KLHL40: variants seen among roughly 807,000 people sequenced by gnomAD.
KLHL40 encodes the protein kelch-like protein 40.
Under a neutral mutation model 49.7 loss-of-function variants are expected in KLHL40, and 44 were observed. The observed-to-expected ratio is 0.89, with a 90% CI of 0.70 to 1.14. The LOEUF is 1.14. KLHL40 is among the 50% of genes most tolerant of loss of function. The probability of loss-of-function intolerance (pLI) is 0.00; values close to 1 mark genes in which losing one functional copy is unlikely to be tolerated. For synonymous variants in KLHL40, 409 were observed against 365.2 expected (o/e 1.12, Z -1.37); for missense variants, 892 against 850.3 (o/e 1.05, Z -0.61).
At position 42,688,107 on chromosome 3, in the gene KLHL40, G is replaced by T. The variant is rs200499418; in HGVS notation, c.1153-35G>T. 3 of 1,612,978 alleles carry T rather than the reference G, an allele frequency of 1.9e-6. No individual in the cohort carries two copies. Among genetic ancestry groups the T allele is most frequent in the Non-Finnish European group, 2.5e-6 (3 of 1,179,620 alleles). ...GGGGCTGGGCTGAGGCTGGGGGAGT[G>T]GGGGGCGGTAGCTGACTGGACACCT... On this transcript the variant is annotated intron_variant, in intron 1 of 5. Coordinates refer to ENST00000287777, the MANE Select transcript of KLHL40 (RefSeq NM_152393.4). This position sits in a 1 kb window ranked among gnomAD's most constrained non-coding sequence, Gnocchi z 4.2.
At position 42,686,134 on chromosome 3, in the gene KLHL40, C is replaced by G. The variant is rs1403835359; in HGVS notation, c.516C>G (p.Leu172=). ...CGCGCGACGCTGACTTCCTCGGACT[C>G]TCGGCCGACGAGCTCATCGCCATCA... ...LVARDADFLG[L]SADELIAIIS... is the part of the protein sequence containing the mutation. Residue 172 remains leucine (L), a synonymous_variant, in exon 1 of 6, where the codon CTC becomes CTG. Coordinates refer to ENST00000287777, the MANE Select transcript of KLHL40 (RefSeq NM_152393.4). The G allele has an allele frequency of 6.3e-7, 1 of 1,598,180 alleles. No homozygotes were observed. Among genetic ancestry groups the G allele is most frequent in the African/African-American group, 1.3e-5 (1 of 74,898 alleles).
At position 42,691,941 on chromosome 3, in the gene KLHL40, G is replaced by T. The variant is rs754540654; in HGVS notation, c.1814G>T (p.Gly605Val). ...GVLREIAYAA[G>V]ATFLPVRLNV... ...CTGCGGGAGATCGCCTATGCAGCAG[G>T]TGCCACCTTCCTACCAGTGCGGCTC... Residue 605 changes from glycine (G) to valine (V), a missense_variant, in exon 6 of 6, where the codon GGT (glycine) becomes GTT (valine). Physicochemically the swap from Gly to Val is moderately radical, Grantham distance 109. Coordinates refer to ENST00000287777, the MANE Select transcript of KLHL40 (RefSeq NM_152393.4). 1 of 1,613,912 alleles carries T rather than the reference G, an allele frequency of 6.2e-7. No homozygotes were observed. The highest frequency in any genetic ancestry group is 8.5e-7 in the Non-Finnish European group (1 of 1,179,782).
intron 1 of KLHL40, 85 bp downstream of exon 1, chr3:42,686,855 C>G: frequency 1.7e-6 from 2 of 1,204,672 alleles, no homozygotes; most frequent in Non-Finnish European, 2.3e-6. Flanking sequence ...GGGCTTGTGT[C>G]TACACAAGTG....
Position 42,688,265 on chromosome 3 carries a change from G to A in KLHL40, c.1276G>A (p.Glu426Lys), listed in dbSNP as rs760403231. Residue 426 changes from glutamate to lysine, a missense_variant, in exon 2 of 6, where the codon GAG becomes AAG. Transcript: ENST00000287777. This position sits in a 1 kb window ranked among gnomAD's most constrained non-coding sequence, Gnocchi z 4.2. ...CGGTGGCAGAGAGATCAAGGACGGC[G>A]AGCGCTGCCTGGACTCGGTCATGTG... Reference protein sequence around the residue: ...VVGGREIKDGERCLDSVMCYD... With the variant: ...VVGGREIKDGKRCLDSVMCYD... The A allele has an allele frequency of 3.1e-6, 5 of 1,613,868 alleles. No individual in the cohort carries two copies. The highest frequency in any genetic ancestry group is 2.2e-5 in the South Asian group (2 of 91,064).
At chr3:42,691,546 C>T (rs1184385231) in intron 5 of KLHL40, among the ~76,000 whole-genome samples, 1 of 152,074 alleles carries the variant, frequency 6.6e-6, no homozygotes, top group Non-Finnish European at 1.5e-5. Flanking sequence ...AGACGTGAGA[C>T]TTAGTAGAAA....
At chr3:42,690,043 T>A (rs1264346931) in intron 4 of KLHL40, among the ~76,000 whole-genome samples, 1 of 151,994 alleles carries the variant, frequency 6.6e-6, no homozygotes, top group Non-Finnish European at 1.5e-5. Context: ...TCATTGGGAT[T>A]GGGTAGGGAA....
Position 42,688,126 on chromosome 3 carries a change from G to A in KLHL40, c.1153-16G>A. The A allele has an allele frequency of 6.2e-7, 1 of 1,613,720 alleles. No individual in the cohort carries two copies. Among genetic ancestry groups the A allele is most frequent in the Non-Finnish European group, 8.5e-7 (1 of 1,179,902 alleles). Reference sequence around the variant, plus strand: ...GGGAGTGGGGGGCGGTAGCTGACTGGACACCTGGCCTGCAGTTTGACCATC... The same window carrying A: ...GGGAGTGGGGGGCGGTAGCTGACTGAACACCTGGCCTGCAGTTTGACCATC... On this transcript the variant is annotated splice_polypyrimidine_tract_variant and intron_variant, in intron 1 of 5. Transcript: ENST00000287777. This position sits in a 1 kb window ranked among gnomAD's most constrained non-coding sequence, Gnocchi z 4.2.
At chr3:42,690,159 A>G (rs1431979228) in intron 4 of KLHL40, among the ~76,000 whole-genome samples, 4 of 152,198 alleles carry the variant, frequency 2.6e-5, no homozygotes, top group Admixed American at 2.6e-4. Context: ...TCTGGGGGTC[A>G]GTAGCACACG....
In KLHL40 at chr3:42,689,071, C is replaced by G. The variant is rs779019306; in HGVS notation, c.1607+17C>G. 2.5e-6 allele frequency: 4 copies of G among 1,596,160 alleles called. No homozygotes were observed. Among genetic ancestry groups the G allele is most frequent in the Non-Finnish European group, 8.6e-7 (1 of 1,167,044 alleles). ...AGACAACAAGTATGAAAGCTTGTCC[C>G]TTCCGCCAAGGACAACTGCATGGCT... On this transcript the variant is annotated intron_variant, in intron 4 of 5. Transcript: ENST00000287777.
At chr3:42,691,714 T>TG (rs1232574815) in intron 5 of KLHL40, among the ~76,000 whole-genome samples, 168 bp from the exon 6 acceptor site, 4 of 151,462 alleles carry the variant, frequency 2.6e-5, no homozygotes, top group Admixed American at 6.6e-5. Flanking sequence ...GGGTGTTCCT[T>TG]GGGGTGGGTC....
rs1436188767 is a variant in KLHL40 at position 42,689,132 on chromosome 3, C to A, written c.1607+78C>A. 2.3e-6 allele frequency: 3 copies of A among 1,299,008 alleles called. No homozygotes were observed. The African/African-American group carries it at 4.4e-5, about 19-fold the overall frequency. 80.5% of individuals were successfully genotyped at this position (1,299,008 alleles called of 1,614,324 possible). A position where few individuals can be genotyped will look rare whatever the true frequency, so the allele number is the denominator to read the frequency against. Reference sequence around the variant, plus strand: ...GTCAGCCCCAGCAGGAGCTGCAGTCCCTGTCTTGGGTCTCCAGTGTTGACT... The same window carrying A: ...GTCAGCCCCAGCAGGAGCTGCAGTCACTGTCTTGGGTCTCCAGTGTTGACT... On this transcript the variant is annotated intron_variant, in intron 4 of 5. Transcript: ENST00000287777.
Position 42,686,153 on chromosome 3 carries a change from G to C in KLHL40, c.535G>C (p.Ala179Pro), listed in dbSNP as rs1392116876. Residue 179 changes from alanine to proline, a missense_variant, in exon 1 of 6, where the codon GCC becomes CCC. By Grantham distance (27) the Ala-to-Pro change is conservative. Transcript: ENST00000287777. ...CGGACTCTCGGCCGACGAGCTCATCGCCATCATCTCCAGCGACGGCCTTAA... is the reference window on the plus strand; with the variant it reads ...CGGACTCTCGGCCGACGAGCTCATCCCCATCATCTCCAGCGACGGCCTTAA... ...FLGLSADELI[A>P]IISSDGLNVE... 1 of 1,594,760 alleles carries C rather than the reference G, an allele frequency of 6.3e-7. No homozygotes were observed. The highest frequency in any genetic ancestry group is 2.2e-5 in the East Asian group (1 of 44,726).
In KLHL40 at chr3:42,692,501, G is replaced by GTATCATTAAAAAA; in HGVS notation, c.*509_*510insATCATTAAAAAAT. On this transcript the variant is annotated 3_prime_UTR_variant, in exon 6 of 6. Transcript: ENST00000287777. The stretch of plus-strand genomic sequence containing the variant: ...AGACTTGGGGCTTCAGTGTTCTGCT[G>GTATCATTAAAAAA]TTGGGCTGCCAAGGTCGATGGTCTC... The GTATCATTAAAAAA allele has an allele frequency of 1.7e-6, 1 of 583,554 alleles. No individual in the cohort carries two copies. Among genetic ancestry groups the GTATCATTAAAAAA allele is most frequent in the South Asian group, 2.2e-5 (1 of 45,456 alleles). The allele number at this position is 583,554 out of a possible 1,614,324, so 36.1% of individuals were successfully genotyped here.
rs200613578 is a variant in KLHL40 at position 42,686,266 on chromosome 3, G to T, written c.648G>T (p.Ala216=). 7.0e-4 allele frequency: 1,094 copies of T among 1,557,172 alleles called. 6 individuals are homozygous for T. Among genetic ancestry groups the T allele is most frequent in the Middle Eastern group, 2.6e-3 (14 of 5,320 alleles). Residue 216 remains alanine (A), a synonymous_variant, in exon 1 of 6, where the codon GCG becomes GCT. Coordinates refer to ENST00000287777, the MANE Select transcript of KLHL40 (RefSeq NM_152393.4). ...DAEAQAERQR[A]LPTVFESVRC... is the part of the protein sequence containing the mutation. The stretch of plus-strand genomic sequence containing the variant: ...AGGCGCAGGCTGAGCGCCAGCGCGC[G>T]CTGCCCACCGTCTTCGAGAGCGTGC...
rs34020089 is a variant in KLHL40, at chr3:42,691,888, C to T, written c.1761C>T (p.Asn587=). The T allele has an allele frequency of 4.2e-5, 68 of 1,602,916 alleles. No individual in the cohort carries two copies. The highest frequency in any genetic ancestry group is 2.7e-5 in the African/African-American group (2 of 74,642). ...PTELNDIWRY[N]EEEKKWEGVL... is the part of the protein sequence containing the mutation. The stretch of plus-strand genomic sequence containing the variant: ...CACTCTCTCTCATCCCCAGGTATAA[C>T]GAGGAGGAGAAGAAATGGGAGGGTG... The change falls in exon 6 of 6, where the codon AAC becomes AAT. Residue 587 remains asparagine (N), a synonymous_variant. Coordinates refer to ENST00000287777, the MANE Select transcript of KLHL40 (RefSeq NM_152393.4).
intron 4 of KLHL40, among the ~76,000 whole-genome samples, chr3:42,689,558 G>A (rs1697328543): frequency 6.6e-6 from 1 of 152,124 alleles, no homozygotes; most frequent in Non-Finnish European, 1.5e-5. Flanking sequence ...GAGTTGGGAT[G>A]GCGGTGCTGG....
Position 42,685,918 on chromosome 3 carries a change from C to A in KLHL40, c.300C>A (p.Ser100Arg), listed in dbSNP as rs765609919. The part of the protein sequence containing the change: ...YTSEIALDEA[S>R]VQDLFAAAHR... ...CAGAGATCGCGCTGGATGAGGCGAG[C>A]GTGCAGGATTTGTTCGCCGCGGCAC... The change falls in exon 1 of 6, where the codon AGC (serine) becomes AGA (arginine). Residue 100 changes from serine (S) to arginine (R), a missense_variant. Physicochemically the swap from Ser to Arg is moderately radical, Grantham distance 110. Transcript: ENST00000287777. 2 of 1,611,586 alleles carry A rather than the reference C, an allele frequency of 1.2e-6. No individual in the cohort carries two copies. The highest frequency in any genetic ancestry group is 8.5e-7 in the Non-Finnish European group (1 of 1,179,996).
Position 42,692,143 on chromosome 3 carries a change from G to A in KLHL40, c.*150G>A. 1 of 621,236 alleles carries A rather than the reference G, an allele frequency of 1.6e-6. No individual in the cohort carries two copies. The highest frequency in any genetic ancestry group is 2.8e-5 in the East Asian group (1 of 36,238). The allele number at this position is 621,236 out of a possible 1,614,324, so 38.5% of individuals were successfully genotyped here. ...TCAGGGGCTGCGTCAGCCAAGGAAA[G>A]GGAAGTGCTGCTTAGTCCTGGACTT... On this transcript the variant is annotated 3_prime_UTR_variant, in exon 6 of 6. Transcript: ENST00000287777.
rs1222423057 is a variant in KLHL40, at chr3:42,688,949, C to T, written c.1502C>T (p.Ser501Leu). 1 of 1,614,202 alleles carries T rather than the reference C, an allele frequency of 6.2e-7. No individual in the cohort carries two copies. The highest frequency in any genetic ancestry group is 2.2e-5 in the East Asian group (1 of 44,880). The change falls in exon 4 of 6, where the codon TCA (serine) becomes TTA (leucine). Residue 501 changes from serine (S) to leucine (L), a missense_variant. Coordinates refer to ENST00000287777, the MANE Select transcript of KLHL40 (RefSeq NM_152393.4). This position sits in a 1 kb window ranked among gnomAD's most constrained non-coding sequence, Gnocchi z 4.2. ...CTGGCACCCATGCAGACCGCCCGCT[C>T]ACTCTTTGGGGCCACTGTCCATGAT... ...KELAPMQTAR[S>L]LFGATVHDGR...
Sources: allele counts gnomAD v4.1 joint callset (sites outside exome capture counted in the v4.1 genomes callset), GRCh38; gene constraint gnomAD v4.1.1; non-coding constraint Gnocchi (gnomAD v3.1); transcripts MANE v1.5; gene names NCBI Gene and HGNC (gene_info 2026-07-23, HGNC 2026-07-21).